MANSC4: variants seen among roughly 807,000 people sequenced by gnomAD.
The protein encoded by MANSC4 is MANSC domain containing 4.
MANSC4 carries 11 observed loss-of-function variants against 11.4 expected under a neutral mutation model. The observed-to-expected ratio is 0.97, with a 90% CI of 0.61 to 1.60. The LOEUF is 1.60. Among genes scored for constraint, MANSC4 ranks in the 40% most tolerant of loss-of-function variants. MANSC4 has a pLI of 0.00. For missense variants in MANSC4, 354 were observed against 404.6 expected (o/e 0.88, Z 1.07); for synonymous variants, 123 against 147.1 (o/e 0.84, Z 1.19).
At chr12:27,775,023 CAAAATAAATAAATAAATAAA>C (rs769918080) in intron 1 of MANSC4, among the ~76,000 whole-genome samples, 42 of 132,918 alleles carry the variant, frequency 3.2e-4, no homozygotes, top group Middle Eastern at 7.8e-3. Context: ...GATTCCGTCT[CAAAATAAATAAATAAATAAA>C]TAAATAAATA....
chr12:27,767,588 A>G (rs1353525224), intron 2 of MANSC4, among the ~76,000 whole-genome samples: 2 of 152,088 alleles, frequency 1.3e-5, no homozygotes, highest in African/African-American at 2.4e-5. Context: ...CTGTAATCCC[A>G]GCTACTCGAG....
Position 27,772,055 on chromosome 12 carries a change from C to CCAAA in MANSC4, c.-306-477_-306-474dup, listed in dbSNP as rs34255239. ...GAGACCCTGTCCCAGAAAAATCAAA[C>CCAAA]CAAACAAACAAACAAACAAAAAACA... On this transcript the variant is annotated intron_variant, in intron 1 of 3. Transcript: ENST00000381273. Among the ~76,000 whole-genome samples, 145 of 151,848 alleles carry CCAAA rather than the reference C, an allele frequency of 9.5e-4. No individual in the cohort carries two copies. The Middle Eastern group carries it at 0.01, about 11-fold the overall frequency.
chr12:27,774,080 A>T (rs1307110209), intron 1 of MANSC4, among the ~76,000 whole-genome samples: 1 of 152,126 alleles, frequency 6.6e-6, no homozygotes. Context: ...CCTGGGCAGC[A>T]GAGGTTGCAG....
chr12:27,766,944 AT>A (rs1343716629), intron 2 of MANSC4, 145 bp from the exon 3 acceptor site: 1 of 835,312 alleles, frequency 1.2e-6, no homozygotes, highest in African/African-American at 1.7e-5. Flanking sequence ...CAGAATGTTT[AT>A]AAACTATTGT....
chr12:27,763,913 T>G (rs2062059902), intron 3 of MANSC4, among the ~76,000 whole-genome samples: 1 of 151,990 alleles, frequency 6.6e-6, no homozygotes, highest in Admixed American at 6.6e-5. Flanking sequence ...GTATTTTTTT[T>G]GTAGAGATGG....
At chr12:27,774,371 A>G (rs1466593673) in intron 1 of MANSC4, among the ~76,000 whole-genome samples, 6 of 152,110 alleles carry the variant, frequency 3.9e-5, no homozygotes, top group African/African-American at 9.7e-5. Context: ...TAAAATTAAT[A>G]AAAATTATTT....
intron 3 of MANSC4, among the ~76,000 whole-genome samples, chr12:27,764,509 G>C (rs1418428859): frequency 6.6e-6 from 1 of 152,002 alleles, no homozygotes; most frequent in Non-Finnish European, 1.5e-5. Flanking sequence ...TCTTTTGCTG[G>C]TTCTCTTGTA....
rs567876783 is a variant in MANSC4 at position 27,762,767 on chromosome 12, G to A, written c.994C>T (p.Arg332Cys). ...GAAGAGTTCTCCTTCATATGGTTAC[G>A]GTTTTTAATTTGCAAGGATCCTGAT... The part of the protein sequence containing the change: ...RKSGSLQIKN[R>C]NHMKENSS Residue 332 changes from arginine to cysteine, a missense_variant, in exon 4 of 4, where the codon CGT (arginine) becomes TGT (cysteine). By Grantham distance (180) the Arg-to-Cys change is radical (BLOSUM62 -3). Coordinates refer to ENST00000381273, the MANE Select transcript of MANSC4 (RefSeq NM_001146221.5). The A allele has an allele frequency of 3.8e-5, 58 of 1,545,664 alleles. No individual in the cohort carries two copies. The African/African-American group carries it at 5.9e-4, about 16-fold the overall frequency.
At chr12:27,765,264 G>C (rs1259594146) in intron 3 of MANSC4, among the ~76,000 whole-genome samples, 1 of 152,170 alleles carries the variant, frequency 6.6e-6, no homozygotes, top group Non-Finnish European at 1.5e-5. Flanking sequence ...GTCACTTTGT[G>C]CAGACTTTAA....
chr12:27,764,352 C>T (rs753619135), intron 3 of MANSC4, among the ~76,000 whole-genome samples: 5 of 152,158 alleles, frequency 3.3e-5, no homozygotes, highest in Non-Finnish European at 5.9e-5. Flanking sequence ...TGTTTCCTTA[C>T]TTCCTGATCA....
chr12:27,762,909 A>G lies in MANSC4; in HGVS notation c.852T>C (p.Thr284=). ...NEDEVSVTSK[T]WLVSVALCTS... is the part of the protein sequence containing the mutation. The stretch of plus-strand genomic sequence containing the variant: ...TGCAAAGGGCCACAGAAACCAGCCA[A>G]GTCTTTGAAGTCACAGATACCTCAT... The change falls in exon 4 of 4, where the codon ACT becomes ACC. Residue 284 remains threonine, a synonymous_variant. Coordinates refer to ENST00000381273, the MANE Select transcript of MANSC4 (RefSeq NM_001146221.5). 3 of 1,552,180 alleles carry G rather than the reference A, an allele frequency of 1.9e-6. No individual in the cohort carries two copies. Among genetic ancestry groups the G allele is most frequent in the Non-Finnish European group, 2.6e-6 (3 of 1,147,120 alleles).
chr12:27,767,219 A>T (rs2062075956), intron 2 of MANSC4, among the ~76,000 whole-genome samples: 1 of 152,076 alleles, frequency 6.6e-6, no homozygotes, highest in Admixed American at 6.6e-5. Context: ...GAGCTCAAGC[A>T]ATCTGCCTCC....
rs970809653 is a variant in MANSC4 at position 27,763,504 on chromosome 12, G to A, written c.365-108C>T. 13 of 1,012,544 alleles carry A rather than the reference G, an allele frequency of 1.3e-5. 1 individual carries two copies. The Middle Eastern group carries it at 6.8e-4, about 53-fold the overall frequency. The allele number at this position is 1,012,544 out of a possible 1,614,324, so 62.7% of individuals were successfully genotyped here. ...CTTTTGCCGCTATGAGTTATCGAAC[G>A]AAGCTAAATTCACGTTCTACTACCA... On this transcript the variant is annotated intron_variant, in intron 3 of 3. Transcript: ENST00000381273.
At chr12:27,770,454 T>C (rs2062095913) in intron 2 of MANSC4, among the ~76,000 whole-genome samples, 1 of 152,102 alleles carries the variant, frequency 6.6e-6, no homozygotes, top group African/African-American at 2.4e-5. Flanking sequence ...ATTCTGAGAT[T>C]ACAGGCATTA....
At chr12:27,770,897 T>C (rs2062097420) in intron 2 of MANSC4, 151 bp downstream of exon 2, 1 of 599,208 alleles carries the variant, frequency 1.7e-6, no homozygotes, top group Non-Finnish European at 2.9e-6. Context: ...TTTCACTGGC[T>C]CTCTTACCTC....
chr12:27,776,202 C>T (rs1252486503), intron 1 of MANSC4, among the ~76,000 whole-genome samples: 1 of 152,014 alleles, frequency 6.6e-6, no homozygotes, highest in East Asian at 1.9e-4. Flanking sequence ...TTACTCTGCA[C>T]TTCAGCTTCC....
chr12:27,775,941 T>G (rs533808560), intron 1 of MANSC4, among the ~76,000 whole-genome samples: 82 of 151,582 alleles, frequency 5.4e-4, no homozygotes, highest in African/African-American at 1.5e-3. Flanking sequence ...AATACAAAAA[T>G]TAGCCAGGCG....
chr12:27,772,023 A>G (rs558144532), intron 1 of MANSC4, among the ~76,000 whole-genome samples: 1 of 152,168 alleles, frequency 6.6e-6, no homozygotes, highest in Admixed American at 6.5e-5. Flanking sequence ...AGCCTGGGTG[A>G]CAGAGCGAGA....
intron 3 of MANSC4, among the ~76,000 whole-genome samples, chr12:27,766,417 A>C (rs1300905002): frequency 1.3e-5 from 2 of 152,200 alleles, no homozygotes; most frequent in Admixed American, 1.3e-4. Context: ...CATGAAATAC[A>C]GTGGGTAAGC....
Sources: allele counts gnomAD v4.1 joint callset (sites outside exome capture counted in the v4.1 genomes callset), GRCh38; gene constraint gnomAD v4.1.1; transcripts MANE v1.5; gene names NCBI Gene and HGNC (gene_info 2026-07-23, HGNC 2026-07-21).